The following ARHGEF4 variants were observed in gnomAD, a reference collection of about 807,000 sequenced individuals.
ARHGEF4 encodes the protein APC-stimulated guanine nucleotide exchange factor 1.
A neutral mutation model predicts 162.0 loss-of-function variants in ARHGEF4; 119 were observed. The observed-to-expected ratio is 0.73, with a 90% confidence interval of 0.63 to 0.86. ARHGEF4 has a LOEUF of 0.86. Among genes scored for constraint, ARHGEF4 ranks in the 40% least tolerant of loss-of-function variants. ARHGEF4 has a pLI of 0.00. For missense variants in ARHGEF4, 2,488 were observed against 2,456.0 expected (o/e 1.01, Z -0.28); for synonymous variants, 1,014 against 979.9 (o/e 1.03, Z -0.65).
chr2:131,040,804 G>A (rs1356757189), intron 8 of ARHGEF4, among the ~76,000 whole-genome samples: 2 of 152,178 alleles, frequency 1.3e-5, no homozygotes, highest in East Asian at 3.9e-4. Context: ...GGCAGATGCC[G>A]GCTGGCATTT....
Position 130,931,147 on chromosome 2 carries a change from G to T in ARHGEF4, c.3748G>T (p.Val1250Phe). Residue 1250 changes from valine (V) to phenylalanine (F), a missense_variant, in exon 3 of 14, where the codon GTC becomes TTC. By Grantham distance (50) the Val-to-Phe change is conservative. Coordinates refer to ENST00000409359, the MANE Select transcript of ARHGEF4 (RefSeq NM_001367493.1). ...QPRGIPHRSP[V>F]SVDDLWLEKT... Reference sequence around the variant, plus strand: ...TAGGGGCATCCCTCACCGCTCGCCCGTCAGTGTGGATGACCTGTGGCTGGA... The same window carrying T: ...TAGGGGCATCCCTCACCGCTCGCCCTTCAGTGTGGATGACCTGTGGCTGGA... 6.2e-7 allele frequency: 1 copy of T among 1,614,196 alleles called. No homozygotes were observed. Among genetic ancestry groups the T allele is most frequent in the Non-Finnish European group, 8.5e-7 (1 of 1,180,020 alleles).
At chr2:130,876,662 T>G (rs547655883) in intron 1 of ARHGEF4, among the ~76,000 whole-genome samples, 103 of 152,246 alleles carry the variant, frequency 6.8e-4, no homozygotes, top group Admixed American at 3.9e-4. Context: ...AAAGTGCTGG[T>G]ATTACAGGCT....
chr2:130,996,187 C>G (rs1313873641), intron 4 of ARHGEF4, among the ~76,000 whole-genome samples: 1 of 152,156 alleles, frequency 6.6e-6, no homozygotes. Context: ...CACGCCCAGC[C>G]TATTCAGCCT....
At position 130,917,532 on chromosome 2, in the gene ARHGEF4, C is replaced by T. The variant is rs538253478; in HGVS notation, c.3552+34C>T. 10 of 1,519,626 alleles carry T rather than the reference C, an allele frequency of 6.6e-6. No homozygotes were observed. In the East Asian group the frequency reaches 2.2e-4, roughly 34 times the overall value. The allele number at this position is 1,519,626 out of a possible 1,614,324, so 94.1% of individuals were successfully genotyped here. Reference sequence around the variant, plus strand: ...CTGAATCGCACCAAGCCTTTCCTGACCTCTGCAGGCAAGAGAAGGAGGGGA... The same window carrying T: ...CTGAATCGCACCAAGCCTTTCCTGATCTCTGCAGGCAAGAGAAGGAGGGGA... On this transcript the variant is annotated intron_variant, in intron 2 of 13. Coordinates refer to ENST00000409359, the MANE Select transcript of ARHGEF4 (RefSeq NM_001367493.1).
In ARHGEF4 at chr2:130,916,739, T is replaced by C; in HGVS notation, c.2793T>C (p.His931=). The C allele has an allele frequency of 6.4e-7, 1 of 1,550,610 alleles. No homozygotes were observed. Among genetic ancestry groups the C allele is most frequent in the East Asian group, 2.4e-5 (1 of 40,898 alleles). ...TAGTTCTAGAGAAAGAGAACACCCA[T>C]GAACGTTCCCCAAGTTCTCCCAAGG... The part of the protein sequence containing the change: ...ESIVLEKENT[H]ERSPSSPKGE... The change falls in exon 2 of 14, where the codon CAT becomes CAC. Residue 931 remains histidine, a synonymous_variant. Transcript: ENST00000409359.
At position 130,875,439 on chromosome 2, in the gene ARHGEF4, G is replaced by A. The variant is rs182696817; in HGVS notation, c.39+38447G>A. 2.1e-3 allele frequency among the ~76,000 whole-genome samples: 319 copies of A among 152,290 alleles called. 2 individuals carry two copies. The highest frequency in any genetic ancestry group is 0.014 in the Middle Eastern group (4 of 294). The stretch of plus-strand genomic sequence containing the variant: ...CTGGAGGCTGGGAAGTGCAAGATCA[G>A]ACAGCCACGTCTGCTTGGCTTCAGA... On this transcript the variant is annotated intron_variant, in intron 1 of 13. Coordinates refer to ENST00000409359, the MANE Select transcript of ARHGEF4 (RefSeq NM_001367493.1).
chr2:131,040,391 A>G lies in ARHGEF4; in HGVS notation c.4613A>G (p.Asn1538Ser). The G allele has an allele frequency of 1.2e-6, 2 of 1,608,640 alleles. No homozygotes were observed. The highest frequency in any genetic ancestry group is 1.7e-6 in the Non-Finnish European group (2 of 1,177,994). Reference protein sequence around the residue: ...AFVKALEQRFNRERPHLSELG... With the variant: ...AFVKALEQRFSRERPHLSELG... ...GTGAAGGCCCTGGAGCAGAGGTTCA[A>G]CCGCGAGCGCCCACACCTGAGCGAG... Residue 1538 changes from asparagine (N) to serine (S), a missense_variant, in exon 8 of 14, where the codon AAC (asparagine) becomes AGC (serine). Coordinates refer to ENST00000409359, the MANE Select transcript of ARHGEF4 (RefSeq NM_001367493.1).
In ARHGEF4 at chr2:131,003,883, G is replaced by C. The variant is rs139083757; in HGVS notation, c.3986-24062G>C. Among the ~76,000 whole-genome samples, 922 of 152,276 alleles carry C rather than the reference G, an allele frequency of 6.1e-3. 6 individuals carry two copies. Among genetic ancestry groups the C allele is most frequent in the African/African-American group, 0.021 (880 of 41,556 alleles). On this transcript the variant is annotated intron_variant, in intron 4 of 13. Coordinates refer to ENST00000409359, the MANE Select transcript of ARHGEF4 (RefSeq NM_001367493.1). ...GAAAGAACTTAACTAGGGTAACTGG[G>C]TAATAACGACCTGGAAATATTTATA...
At chr2:130,965,493 C>G (rs1684944210) in intron 4 of ARHGEF4, among the ~76,000 whole-genome samples, 1 of 152,228 alleles carries the variant, frequency 6.6e-6, no homozygotes, top group African/African-American at 2.4e-5. Flanking sequence ...CCATCACATC[C>G]CTGTTCCCTT....
chr2:130,918,388 T>G (rs2105064133), intron 2 of ARHGEF4, among the ~76,000 whole-genome samples: 1 of 152,342 alleles, frequency 6.6e-6, no homozygotes, highest in South Asian at 2.1e-4. Flanking sequence ...CAGCTGCCCT[T>G]GGAAGGAGAG....
At chr2:130,976,922 TGTTA>T (rs1388675007) in intron 4 of ARHGEF4, among the ~76,000 whole-genome samples, 2 of 151,736 alleles carry the variant, frequency 1.3e-5, no homozygotes, top group South Asian at 2.1e-4. Context: ...GTGTATGGTG[TGTTA>T]GTATGTGTGG....
chr2:131,002,513 G>A (rs935586729), intron 4 of ARHGEF4, among the ~76,000 whole-genome samples: 6 of 151,354 alleles, frequency 4.0e-5, no homozygotes, highest in Non-Finnish European at 5.9e-5. Context: ...GATCGAGACC[G>A]TCCTGGCTAA....
chr2:130,969,391 A>G (rs1401758812), intron 4 of ARHGEF4, among the ~76,000 whole-genome samples: 1 of 152,016 alleles, frequency 6.6e-6, no homozygotes, highest in Non-Finnish European at 1.5e-5. Context: ...AGATCAGGAG[A>G]GCGAGACCAT....
chr2:131,046,963 A>G lies in ARHGEF4; in HGVS notation c.*774A>G, dbSNP rs561219545. ...TTTTCTAACAACAAACAATGGAGAA[A>G]AAGAATTGATTCTTAGTGACACAGA... On this transcript the variant is annotated 3_prime_UTR_variant, in exon 14 of 14. Coordinates refer to ENST00000409359, the MANE Select transcript of ARHGEF4 (RefSeq NM_001367493.1). The G allele has an allele frequency of 6.5e-6, 1 of 152,792 alleles. No individual in the cohort carries two copies. The highest frequency in any genetic ancestry group is 1.9e-4 in the East Asian group (1 of 5,182). The allele number at this position is 152,792 out of a possible 1,614,324, so 9.5% of individuals were successfully genotyped here. A position where few individuals can be genotyped will look rare whatever the true frequency, so the allele number is the denominator to read the frequency against.
intron 5 of ARHGEF4, among the ~76,000 whole-genome samples, chr2:131,028,683 G>A (rs938461945): frequency 3.9e-5 from 6 of 152,112 alleles, no homozygotes; most frequent in Admixed American, 6.5e-5. Flanking sequence ...ATGCTTTAAC[G>A]CCCCTCTCTT....
At chr2:130,965,602 G>A (rs568160021) in intron 4 of ARHGEF4, among the ~76,000 whole-genome samples, 1 of 152,222 alleles carries the variant, frequency 6.6e-6, no homozygotes, top group Non-Finnish European at 1.5e-5. Flanking sequence ...CAAACTGGCA[G>A]AGGACTCCTG....
intron 1 of ARHGEF4, among the ~76,000 whole-genome samples, chr2:130,837,942 G>T (rs896173024): frequency 5.9e-5 from 9 of 152,238 alleles, no homozygotes; most frequent in African/African-American, 1.9e-4. Flanking sequence ...GAGTTCTGTG[G>T]CCCTGAGAGC....
intron 10 of ARHGEF4, 84 bp from the exon 11 acceptor site, chr2:131,043,368 G>A: frequency 6.3e-7 from 1 of 1,576,634 alleles, no homozygotes; most frequent in Non-Finnish European, 8.7e-7. Context: ...AGGGGGAGGT[G>A]CGCCACCCAC....
intron 1 of ARHGEF4, among the ~76,000 whole-genome samples, chr2:130,896,833 G>C (rs191614399): frequency 5.2e-4 from 79 of 152,326 alleles, no homozygotes; most frequent in African/African-American, 1.9e-3. Flanking sequence ...CAGAGCAGCA[G>C]GGCCACACTG....
Sources: gnomAD v4.1 joint callset for allele counts (sites outside exome capture counted in the v4.1 genomes callset) on GRCh38, gnomAD v4.1.1 for gene constraint, MANE v1.5 for transcripts, NCBI Gene and HGNC (gene_info 2026-07-23, HGNC 2026-07-21) for gene names.